MBNL2: variants seen among roughly 807,000 people sequenced by gnomAD.
The protein encoded by MBNL2 is muscleblind like splicing regulator 2, also known as muscleblind-like protein 2.
In MBNL2, 17 loss-of-function variants were observed where a neutral mutation model predicts 41.9. The ratio of observed to expected loss-of-function variants is 0.41; its 90% CI spans 0.28 to 0.61. MBNL2 has a LOEUF of 0.61. MBNL2 is among the 20% of genes least tolerant of loss of function. MBNL2 has a pLI of 0.35. For synonymous variants in MBNL2, 195 were observed against 182.9 expected (o/e 1.07, Z -0.53); for missense variants, 336 against 505.6 (o/e 0.66, Z 3.22).
intron 5 of MBNL2, among the ~76,000 whole-genome samples, chr13:97,350,611 T>C (rs779446508): frequency 6.6e-6 from 1 of 152,220 alleles, no homozygotes; most frequent in Non-Finnish European, 1.5e-5. Flanking sequence ...ATTTCAACAA[T>C]GTTCAGAGCA....
chr13:97,315,206 G>A (rs1444807452), intron 2 of MBNL2, among the ~76,000 whole-genome samples: 6 of 152,036 alleles, frequency 3.9e-5, no homozygotes, highest in Non-Finnish European at 8.8e-5. Context: ...GTTATTTAAG[G>A]ATCCTAAAAT....
At chr13:97,251,831 ATTCTTTTTTT>A (rs1462374070) in intron 1 of MBNL2, among the ~76,000 whole-genome samples, 2 of 134,106 alleles carry the variant, frequency 1.5e-5, no homozygotes, top group African/African-American at 5.9e-5. Flanking sequence ...TGTATCCTCA[ATTCTTTTTTT>A]TTTTTTTTTT....
chr13:97,386,153 C>G (rs1251312474), intron 8 of MBNL2, among the ~76,000 whole-genome samples: 3 of 152,252 alleles, frequency 2.0e-5, no homozygotes, highest in African/African-American at 7.2e-5. Flanking sequence ...GTAGGACTAA[C>G]TCTCCTGTAA....
intron 2 of MBNL2, among the ~76,000 whole-genome samples, chr13:97,279,403 T>C (rs1196458329): frequency 2.0e-5 from 3 of 152,244 alleles, no homozygotes; most frequent in Admixed American, 2.0e-4. Context: ...CCCACATAGT[T>C]AGTCCAGGAC....
intron 2 of MBNL2, among the ~76,000 whole-genome samples, chr13:97,325,903 G>C (rs1015520662): frequency 6.6e-6 from 1 of 152,154 alleles, no homozygotes; most frequent in Non-Finnish European, 1.5e-5. Flanking sequence ...TGAAAGAAGA[G>C]GGCAGTTGCA....
intron 2 of MBNL2, among the ~76,000 whole-genome samples, chr13:97,326,097 ATAGTC>A (rs1405600375): frequency 1.3e-5 from 2 of 149,442 alleles, no homozygotes; most frequent in African/African-American, 4.9e-5. Context: ...GCTCTGCCCC[ATAGTC>A]CAGGTGATGC....
At chr13:97,148,153 A>G in the MBNL2 span, among the ~76,000 whole-genome samples, 1 of 152,230 alleles carries the variant, frequency 6.6e-6, no homozygotes, top group Non-Finnish European at 1.5e-5. Flanking sequence ...GACATAGACA[A>G]GTGTTTATTC....
At chr13:97,258,955 C>T (rs887377064) in intron 1 of MBNL2, among the ~76,000 whole-genome samples, 1 of 152,152 alleles carries the variant, frequency 6.6e-6, no homozygotes, top group East Asian at 1.9e-4. Context: ...GGCCTGACTT[C>T]GAGATATGTT....
At chr13:97,181,548 C>T in the MBNL2 span, among the ~76,000 whole-genome samples, 9 of 152,222 alleles carry the variant, frequency 5.9e-5, no homozygotes, top group East Asian at 1.9e-4. Flanking sequence ...AAAAGTTTTA[C>T]GTGTTTTGCT....
At chr13:97,263,489 T>C (rs1047746264) in intron 1 of MBNL2, among the ~76,000 whole-genome samples, 7 of 152,198 alleles carry the variant, frequency 4.6e-5, no homozygotes, top group Admixed American at 4.6e-4. Flanking sequence ...TGGTGGAAAC[T>C]TAAAGGACCA....
At chr13:97,180,519 G>A in the MBNL2 span, among the ~76,000 whole-genome samples, 2 of 151,894 alleles carry the variant, frequency 1.3e-5, no homozygotes, top group Non-Finnish European at 2.9e-5. Context: ...AGCAGATCAC[G>A]AGGTCAGGAC....
intron 1 of MBNL2, among the ~76,000 whole-genome samples, chr13:97,258,149 A>G (rs980571336): frequency 1.9e-4 from 29 of 152,148 alleles, no homozygotes; most frequent in African/African-American, 6.5e-4. Context: ...GCATTTAGCA[A>G]TAACATTACC....
intron 7 of MBNL2, 135 bp downstream of exon 7, chr13:97,357,770 A>G (rs766603953): frequency 5.8e-6 from 5 of 863,930 alleles, no homozygotes; most frequent in African/African-American, 4.9e-5. Flanking sequence ...TGTCCTAGCT[A>G]TCTAAATGTA....
At chr13:97,351,897 G>A (rs960493368) in intron 5 of MBNL2, among the ~76,000 whole-genome samples, 3 of 151,968 alleles carry the variant, frequency 2.0e-5, no homozygotes, top group Admixed American at 1.3e-4. Flanking sequence ...GGTGGTGCAC[G>A]CTATAATTCC....
In MBNL2 at chr13:97,276,346, T is replaced by C. The variant is rs757720444; in HGVS notation, c.111T>C (p.Ala37=). 6.2e-7 allele frequency: 1 copy of C among 1,614,100 alleles called. No individual in the cohort carries two copies. The highest frequency in any genetic ancestry group is 1.7e-5 in the Admixed American group (1 of 60,020). ...CSRSDEECKF[A]HPPKSCQVEN... is the part of the protein sequence containing the mutation. Reference sequence around the variant, plus strand: ...GCTCTGATGAAGAATGCAAATTTGCTCATCCCCCCAAAAGTTGTCAGGTTG... The same window carrying C: ...GCTCTGATGAAGAATGCAAATTTGCCCATCCCCCCAAAAGTTGTCAGGTTG... The change falls in exon 2 of 9, where the codon GCT becomes GCC. Residue 37 remains alanine, a synonymous_variant. Transcript: ENST00000679496.
At chr13:97,174,073 G>A in the MBNL2 span, among the ~76,000 whole-genome samples, 1 of 152,130 alleles carries the variant, frequency 6.6e-6, no homozygotes, top group Admixed American at 6.5e-5. Flanking sequence ...CAAAGCATCT[G>A]CAGTAAAGTA....
chr13:97,378,760 G>GAAA (rs201832459), intron 8 of MBNL2, among the ~76,000 whole-genome samples: 1 of 151,518 alleles, frequency 6.6e-6, no homozygotes, highest in South Asian at 2.1e-4. Flanking sequence ...AATAGAAACT[G>GAAA]AAAAAAAATT....
intron 2 of MBNL2, among the ~76,000 whole-genome samples, chr13:97,317,199 T>C (rs2059134033): frequency 6.6e-6 from 1 of 152,184 alleles, no homozygotes; most frequent in African/African-American, 2.4e-5. Context: ...TTCAGTCCCG[T>C]GTGGTCCTAT....
chr13:97,300,503 G>T (rs188555105), intron 2 of MBNL2, among the ~76,000 whole-genome samples: 1 of 152,208 alleles, frequency 6.6e-6, no homozygotes, highest in Non-Finnish European at 1.5e-5. Context: ...TTCACAATAG[G>T]GTTCCCACTC....
Sources: allele counts gnomAD v4.1 joint callset (sites outside exome capture counted in the v4.1 genomes callset), GRCh38; gene constraint gnomAD v4.1.1; transcripts MANE v1.5; gene names NCBI Gene and HGNC (gene_info 2026-07-23, HGNC 2026-07-21).